Variants in CDH15 observed in about 807,000 individuals in gnomAD.
CDH15 encodes the protein cadherin 15.
A neutral mutation model predicts 69.4 loss-of-function variants in CDH15; 73 were observed. The observed-to-expected ratio is 1.05, with a 90% CI of 0.87 to 1.28. The LOEUF is 1.28. Ranked by LOEUF, CDH15 falls within the 50% of genes most tolerant of loss-of-function variation. CDH15 has a pLI of 0.00. For missense variants in CDH15, 1,343 were observed against 1,133.6 expected, an observed-to-expected ratio of 1.18 and a Z score of -2.65; for synonymous variants, 624 against 507.7, an observed-to-expected ratio of 1.23 and a Z score of -3.08.
At chr16:89,173,446 C>T (rs1440227631) in intron 1 of CDH15, among the ~76,000 whole-genome samples, 6 of 152,206 alleles carry the variant, frequency 3.9e-5, no homozygotes, top group Non-Finnish European at 8.8e-5. Context: ...TCTCACTGTC[C>T]CTTCTTTTCT....
chr16:89,190,456 T>C lies in CDH15; in HGVS notation c.1192T>C (p.Ser398Pro). Residue 398 changes from serine to proline, a missense_variant, in exon 8 of 14, where the codon TCT (serine) becomes CCT (proline). Coordinates refer to ENST00000289746, the MANE Select transcript of CDH15 (RefSeq NM_004933.3). ...APPGTLVATF[S>P]ARDPDTEQLQ... is the part of the protein sequence containing the mutation. ...CCCAGGCACTCTGGTGGCCACCTTC[T>C]CTGCCCGGGACCCTGACACAGAGCA... The C allele has an allele frequency of 6.2e-7, 1 of 1,603,282 alleles. No homozygotes were observed. Among genetic ancestry groups the C allele is most frequent in the Non-Finnish European group, 8.5e-7 (1 of 1,176,070 alleles).
At chr16:89,191,616 G>A (rs1915643290) in intron 9 of CDH15, 39 bp from the exon 10 acceptor site, 1 of 1,569,394 alleles carries the variant, frequency 6.4e-7, no homozygotes, top group Non-Finnish European at 8.6e-7. Context: ...GGCAGGCTGG[G>A]GTGTTGGGGT....
chr16:89,189,557 C>G (rs1347179869), intron 7 of CDH15, among the ~76,000 whole-genome samples: 7 of 152,246 alleles, frequency 4.6e-5, no homozygotes, highest in African/African-American at 1.4e-4. Context: ...CCACGCTACC[C>G]ATGGGGCTTG....
At chr16:89,193,703 C>T in intron 12 of CDH15, 52 bp from the exon 13 acceptor site, 1 of 1,582,462 alleles carries the variant, frequency 6.3e-7, no homozygotes, top group African/African-American at 1.3e-5. Flanking sequence ...CTGAGACCTC[C>T]ACCAGGGCCA....
At chr16:89,180,804 A>G (rs1228568741) in intron 3 of CDH15, among the ~76,000 whole-genome samples, 1 of 151,736 alleles carries the variant, frequency 6.6e-6, no homozygotes, top group Non-Finnish European at 1.5e-5. Context: ...GCTCACTGCA[A>G]GCTCCGCCTC....
chr16:89,192,473 C>A (rs1915673873), intron 11 of CDH15, 29 bp downstream of exon 11: 4 of 1,555,812 alleles, frequency 2.6e-6, no homozygotes, highest in South Asian at 1.2e-5. Flanking sequence ...TCCACCTGGA[C>A]CCTCGGACCC....
Position 89,183,457 on chromosome 16 carries a change from G to A in CDH15, c.358-91G>A, listed in dbSNP as rs74033427. On this transcript the variant is annotated intron_variant, in intron 3 of 13. Coordinates refer to ENST00000289746, the MANE Select transcript of CDH15 (RefSeq NM_004933.3). ...GCTGGTGTTTCCAGCTGGAGACAAA[G>A]TCTGAACGTGCTGTCTCTTTCGCAT... is the stretch of plus-strand genomic sequence containing the variant. The A allele has an allele frequency of 1.4e-3, 2,021 of 1,459,732 alleles. 16 individuals carry two copies. In the African/African-American group the frequency reaches 0.024, roughly 17 times the overall value. 90.4% of individuals were successfully genotyped at this position (1,459,732 alleles called of 1,614,324 possible). A position where few individuals can be genotyped will look rare whatever the true frequency, so the allele number is the denominator to read the frequency against.
chr16:89,191,115 T>C (rs761556374), intron 8 of CDH15, among the ~76,000 whole-genome samples: 1 of 150,908 alleles, frequency 6.6e-6, no homozygotes, highest in Admixed American at 6.7e-5. Context: ...CATGTGTGTG[T>C]GCTGTGCATG....
At chr16:89,194,406 C>G (rs766652529) in intron 13 of CDH15, among the ~76,000 whole-genome samples, 1 of 152,228 alleles carries the variant, frequency 6.6e-6, no homozygotes, top group Non-Finnish European at 1.5e-5. Context: ...AAGCCCCCAG[C>G]CAAGGTGTAC....
Position 89,183,535 on chromosome 16 carries a change from T to TA in CDH15, c.358-12dup. On this transcript the variant is annotated splice_polypyrimidine_tract_variant and intron_variant, in intron 3 of 13. Transcript: ENST00000289746. ...GGGGCCACAGAGCCAGCCCTTGCTC[T>TA]ATGTTTGAACAGCTAAGAGCGTTTG... is the stretch of plus-strand genomic sequence containing the variant. The TA allele has an allele frequency of 6.2e-7, 1 of 1,614,064 alleles. No individual in the cohort carries two copies. The highest frequency in any genetic ancestry group is 8.5e-7 in the Non-Finnish European group (1 of 1,180,008).
At chr16:89,186,517 G>A (rs112551505) in intron 5 of CDH15, among the ~76,000 whole-genome samples, 23 of 129,986 alleles carry the variant, frequency 1.8e-4, no homozygotes, top group Middle Eastern at 5.7e-3. Context: ...CTTACCCAGC[G>A]CACAGTAGGT....
chr16:89,189,918 C>T (rs930983427), intron 7 of CDH15, among the ~76,000 whole-genome samples: 2 of 152,230 alleles, frequency 1.3e-5, no homozygotes, highest in Non-Finnish European at 2.9e-5. Flanking sequence ...AAAGCCAACC[C>T]ACATCACCCA....
intron 1 of CDH15, among the ~76,000 whole-genome samples, chr16:89,174,100 G>A (rs1915210435): frequency 2.0e-5 from 3 of 152,218 alleles, no homozygotes; most frequent in Admixed American, 2.0e-4. Context: ...ACAGTGGAAG[G>A]ACAGCCCCAG....
chr16:89,180,422 C>A lies in CDH15; in HGVS notation c.357+67C>A, dbSNP rs1915351284. ...CTGGTGGAAAGCCAGTGCCCCTCCT[C>A]CCCACCAGGCTTCTCCTCCCCGCTC... On this transcript the variant is annotated intron_variant, in intron 3 of 13. Coordinates refer to ENST00000289746, the MANE Select transcript of CDH15 (RefSeq NM_004933.3). The A allele has an allele frequency of 3.3e-6, 5 of 1,531,900 alleles. No homozygotes were observed. The East Asian group carries it at 1.2e-4, about 36-fold the overall frequency. The allele number at this position is 1,531,900 out of a possible 1,614,324, so 94.9% of individuals were successfully genotyped here. A position where few individuals can be genotyped will look rare whatever the true frequency, so the allele number is the denominator to read the frequency against.
intron 8 of CDH15, 145 bp from the exon 9 acceptor site, chr16:89,191,185 G>A (rs1915631770): frequency 4.5e-6 from 4 of 883,248 alleles, no homozygotes; most frequent in East Asian, 5.2e-5. Flanking sequence ...GTGTGCGTGT[G>A]TATATGTTGT....
At chr16:89,186,607 C>T (rs1915494369) in intron 5 of CDH15, among the ~76,000 whole-genome samples, 1 of 131,256 alleles carries the variant, frequency 7.6e-6, no homozygotes, top group Non-Finnish European at 1.6e-5. Flanking sequence ...AAACGCTCAC[C>T]CAGCGCACAG....
intron 3 of CDH15, among the ~76,000 whole-genome samples, chr16:89,180,942 C>T (rs904386072): frequency 7.0e-6 from 1 of 143,168 alleles, no homozygotes; most frequent in South Asian, 2.3e-4. Context: ...CCAGGATGGT[C>T]TCGATCTCCT....
At chr16:89,178,974 C>T (rs1431556585) in intron 1 of CDH15, among the ~76,000 whole-genome samples, 2 of 152,212 alleles carry the variant, frequency 1.3e-5, no homozygotes, top group East Asian at 1.9e-4. Context: ...AGGGGCTTTC[C>T]GTGTGCACCG....
intron 8 of CDH15, among the ~76,000 whole-genome samples, chr16:89,190,766 G>A (rs1039440475): frequency 1.2e-4 from 18 of 152,144 alleles, no homozygotes; most frequent in African/African-American, 4.1e-4. Flanking sequence ...TTGCTCCCAA[G>A]GGACTGGCCG....
Sources: gnomAD v4.1 joint callset for allele counts (sites outside exome capture counted in the v4.1 genomes callset) on GRCh38, gnomAD v4.1.1 for gene constraint, MANE v1.5 for transcripts, NCBI Gene and HGNC (gene_info 2026-07-23, HGNC 2026-07-21) for gene names.